The following ADGRL3 variants were observed in gnomAD, a reference collection of about 807,000 sequenced individuals.
The protein encoded by ADGRL3 is calcium-independent alpha-latrotoxin receptor 3.
Under a neutral mutation model 153.5 loss-of-function variants are expected in ADGRL3, and 62 were observed. The observed-to-expected ratio is 0.40, with a 90% confidence interval of 0.33 to 0.50. ADGRL3 has a LOEUF of 0.50. Among genes scored for constraint, ADGRL3 ranks in the 20% least tolerant of loss-of-function variants. The pLI is 0.47. For missense variants in ADGRL3, 1,641 were observed against 1,859.4 expected, an observed-to-expected ratio of 0.88 and a Z score of 2.16; for synonymous variants, 710 against 672.5, an observed-to-expected ratio of 1.06 and a Z score of -0.86.
intron 6 of ADGRL3, among the ~76,000 whole-genome samples, chr4:61,708,102 A>C (rs1049214264): frequency 6.6e-6 from 1 of 152,160 alleles, no homozygotes; most frequent in African/African-American, 2.4e-5. Flanking sequence ...TTATTGGATT[A>C]TTTCCAAACT....
intron 5 of ADGRL3, among the ~76,000 whole-genome samples, chr4:61,625,579 G>C (rs2092785709): frequency 2.6e-5 from 4 of 151,636 alleles, no homozygotes; most frequent in African/African-American, 9.7e-5. Context: ...TTATTAATTT[G>C]AGTATTTTTG....
At chr4:62,037,577 T>A (rs952043935) in intron 23 of ADGRL3, among the ~76,000 whole-genome samples, 154 bp from the exon 24 acceptor site, 1 of 152,124 alleles carries the variant, frequency 6.6e-6, no homozygotes, top group African/African-American at 2.4e-5. Flanking sequence ...ATAATTATGT[T>A]GTATTGTAAA....
intron 9 of ADGRL3, among the ~76,000 whole-genome samples, chr4:61,873,114 G>A (rs1042826786): frequency 3.9e-5 from 6 of 152,176 alleles, no homozygotes; most frequent in Non-Finnish European, 8.8e-5. Context: ...GCATCTATGA[G>A]GTATGCTTAT....
At chr4:61,912,981 A>G (rs2098728807) in intron 13 of ADGRL3, among the ~76,000 whole-genome samples, 1 of 152,148 alleles carries the variant, frequency 6.6e-6, no homozygotes, top group South Asian at 2.1e-4. Context: ...TGAGGTGTGA[A>G]CTTTTTCATC....
Position 61,202,814 on chromosome 4 carries a change from T to G in ADGRL3, c.-240+1049T>G, listed in dbSNP as rs1435661713. ...GGGCGACCTCCTCTACCAGCCTTAC[T>G]TGGCGGCGGAGTCAGCGTTTGAGTG... On this transcript the variant is annotated intron_variant, in intron 1 of 26. Coordinates refer to ENST00000683033, the MANE Select transcript of ADGRL3 (RefSeq NM_001387552.1). The surrounding 1 kb of genome is among the most constrained non-coding windows in gnomAD (Gnocchi z 5.0). Among the ~76,000 whole-genome samples the G allele has an allele frequency of 6.6e-6, 1 of 152,164 alleles. No individual in the cohort carries two copies. The highest frequency in any genetic ancestry group is 2.1e-4 in the South Asian group (1 of 4,832).
chr4:61,949,014 T>G (rs1446229848), intron 17 of ADGRL3, among the ~76,000 whole-genome samples: 4 of 140,664 alleles, frequency 2.8e-5, no homozygotes, highest in African/African-American at 8.0e-5. Context: ...GTCAGGAAAC[T>G]CAGAAAAAAA....
rs183184133 is a variant in ADGRL3, at chr4:61,214,732, C to G, written c.-240+12967C>G. On this transcript the variant is annotated intron_variant, in intron 1 of 26. Coordinates refer to ENST00000683033, the MANE Select transcript of ADGRL3 (RefSeq NM_001387552.1). ...AGGAGAATCGCTTGAACCCAGGAGT[C>G]GGTGACTAATCTGGGCAACATTGTT... Among the ~76,000 whole-genome samples, 59 of 152,054 alleles carry G rather than the reference C, an allele frequency of 3.9e-4. 1 individual carries two copies. The highest frequency in any genetic ancestry group is 1.1e-3 in the Admixed American group (17 of 15,280).
chr4:61,909,029 C>A (rs887225457), intron 11 of ADGRL3, among the ~76,000 whole-genome samples: 4 of 152,134 alleles, frequency 2.6e-5, no homozygotes, highest in Non-Finnish European at 4.4e-5. Flanking sequence ...TGCTACCCAG[C>A]ATACTGGGAG....
At chr4:61,277,385 G>T (rs1392528812) in intron 1 of ADGRL3, among the ~76,000 whole-genome samples, 1 of 151,958 alleles carries the variant, frequency 6.6e-6, no homozygotes, top group African/African-American at 2.4e-5. Flanking sequence ...CGTATTATAC[G>T]GCATGACCCA....
chr4:61,491,068 C>G (rs1370077404), intron 2 of ADGRL3, among the ~76,000 whole-genome samples: 3 of 151,994 alleles, frequency 2.0e-5, no homozygotes, highest in Non-Finnish European at 4.4e-5. Context: ...ATGGAAAGAA[C>G]CTGTGTTATA....
At chr4:61,250,085 A>G (rs981637192) in intron 1 of ADGRL3, among the ~76,000 whole-genome samples, 1 of 152,078 alleles carries the variant, frequency 6.6e-6, no homozygotes, top group Non-Finnish European at 1.5e-5. Context: ...TGCCTTACTC[A>G]GTGTTGGGAT....
chr4:61,547,388 T>C (rs953222091), intron 4 of ADGRL3, among the ~76,000 whole-genome samples: 2 of 152,056 alleles, frequency 1.3e-5, no homozygotes, highest in Non-Finnish European at 2.9e-5. Context: ...GCATAGTACC[T>C]GATAGGTAGT....
chr4:61,681,512 G>A (rs905690470), intron 6 of ADGRL3, among the ~76,000 whole-genome samples: 2 of 151,994 alleles, frequency 1.3e-5, no homozygotes, highest in African/African-American at 4.8e-5. Flanking sequence ...ATGAATGTTT[G>A]ATTAAAACAA....
chr4:61,336,609 T>C (rs1194456356), intron 1 of ADGRL3, among the ~76,000 whole-genome samples: 1 of 151,980 alleles, frequency 6.6e-6, no homozygotes, highest in Non-Finnish European at 1.5e-5. Flanking sequence ...AGGGTGGAAA[T>C]AGGGCTCATT....
At chr4:61,925,605 G>C (rs1401428289) in intron 13 of ADGRL3, among the ~76,000 whole-genome samples, 1 of 152,076 alleles carries the variant, frequency 6.6e-6, no homozygotes, top group Non-Finnish European at 1.5e-5. Flanking sequence ...AGCAGGAGCC[G>C]CCATATCACA....
At chr4:61,287,362 A>T (rs1319568472) in intron 1 of ADGRL3, among the ~76,000 whole-genome samples, 1 of 151,974 alleles carries the variant, frequency 6.6e-6, no homozygotes, top group African/African-American at 2.4e-5. Context: ...CTGTTCTAAC[A>T]TATCGACATT....
At chr4:61,740,798 G>A (rs1020677891) in intron 8 of ADGRL3, among the ~76,000 whole-genome samples, 3 of 152,186 alleles carry the variant, frequency 2.0e-5, no homozygotes, top group South Asian at 2.1e-4. Context: ...TGTAGCTACT[G>A]TCTTGTTACC....
intron 1 of ADGRL3, among the ~76,000 whole-genome samples, chr4:61,358,552 G>C (rs561223855): frequency 7.5e-5 from 10 of 133,402 alleles, no homozygotes; most frequent in East Asian, 2.5e-4. Context: ...AGTGGAGATC[G>C]TGCCACTGCA....
chr4:61,561,820 G>A (rs568841155), intron 4 of ADGRL3, among the ~76,000 whole-genome samples: 8 of 151,684 alleles, frequency 5.3e-5, no homozygotes, highest in South Asian at 4.2e-4. Context: ...TTATTATTTT[G>A]GGAGGGATGA....
Sources: gnomAD v4.1 joint callset for allele counts (sites outside exome capture counted in the v4.1 genomes callset) on GRCh38, gnomAD v4.1.1 for gene constraint, Gnocchi (gnomAD v3.1) non-coding constraint, MANE v1.5 for transcripts, NCBI Gene and HGNC (gene_info 2026-07-23, HGNC 2026-07-21) for gene names.